Variants in ERC2 observed in about 807,000 individuals in gnomAD.
ERC2 encodes ELKS/RAB6-interacting/CAST family member 2, also known as ERC protein 2.
Under a neutral mutation model 114.8 loss-of-function variants are expected in ERC2, and 42 were observed. The observed-to-expected ratio is 0.37, with a 90% confidence interval of 0.29 to 0.47. The LOEUF (loss-of-function observed/expected upper bound fraction) is 0.47. Ranked by LOEUF, ERC2 falls within the 20% of genes least tolerant of loss-of-function variation. The pLI is 0.99. For synonymous variants in ERC2, 454 were observed against 425.5 expected, an observed-to-expected ratio of 1.07 and a Z score of -0.82; for missense variants, 939 against 1,150.7, an observed-to-expected ratio of 0.82 and a Z score of 2.66.
At chr3:56,031,190 C>T (rs1560053017) in intron 7 of ERC2, among the ~76,000 whole-genome samples, 1 of 152,222 alleles carries the variant, frequency 6.6e-6, no homozygotes, top group African/African-American at 2.4e-5. Flanking sequence ...TCCAGCCTGT[C>T]CCCCATGGAT....
intron 15 of ERC2, among the ~76,000 whole-genome samples, chr3:55,718,461 T>A (rs2064253318): frequency 1.3e-5 from 2 of 152,154 alleles, no homozygotes; most frequent in African/African-American, 4.8e-5. Flanking sequence ...GCTTACAAGA[T>A]AAAACTGTTT....
intron 12 of ERC2, among the ~76,000 whole-genome samples, chr3:55,953,633 C>A (rs1320485001): frequency 6.6e-6 from 1 of 152,104 alleles, no homozygotes; most frequent in African/African-American, 2.4e-5. Context: ...CAGATAACCC[C>A]TCTCTCAAGT....
intron 14 of ERC2, among the ~76,000 whole-genome samples, chr3:55,860,325 T>C (rs867075501): frequency 1.3e-5 from 2 of 152,294 alleles, no homozygotes; most frequent in South Asian, 4.1e-4. Flanking sequence ...TACATGTAAG[T>C]GGATTCATAT....
At chr3:55,745,341 T>C (rs1253674850) in intron 14 of ERC2, among the ~76,000 whole-genome samples, 2 of 152,242 alleles carry the variant, frequency 1.3e-5, no homozygotes, top group Non-Finnish European at 2.9e-5. Context: ...AAATGTGTTC[T>C]GAAAGGCGAC....
At chr3:56,434,264 C>T in intron 2 of ERC2, 87 bp downstream of exon 2, 2 of 1,282,974 alleles carry the variant, frequency 1.6e-6, no homozygotes, top group South Asian at 2.8e-5. Flanking sequence ...AAACTTTCTT[C>T]TGCACAGGTC....
At chr3:56,252,226 G>A (rs1163239987) in intron 3 of ERC2, among the ~76,000 whole-genome samples, 1 of 152,058 alleles carries the variant, frequency 6.6e-6, no homozygotes, top group Non-Finnish European at 1.5e-5. Flanking sequence ...TTCCTTCCAA[G>A]TTCTTATGGT....
intron 14 of ERC2, among the ~76,000 whole-genome samples, chr3:55,882,726 T>A (rs2063171226): frequency 6.6e-6 from 1 of 152,200 alleles, no homozygotes; most frequent in African/African-American, 2.4e-5. Context: ...ATCAGGGACT[T>A]CAGCATCTGT....
At chr3:56,032,955 GAAACAGAAAGAAAGAAAGAAAGAGAA>G (rs1382105325) in intron 7 of ERC2, among the ~76,000 whole-genome samples, 11 of 42,736 alleles carry the variant, frequency 2.6e-4, no homozygotes, top group East Asian at 7.6e-4. Context: ...AAGAAAGAAA[GAAACAGAAAGAAAGAAAGAAAGAGAA>G]AGAAAGAAAG....
chr3:55,537,333 C>T (rs540339255), intron 17 of ERC2, among the ~76,000 whole-genome samples: 7 of 152,324 alleles, frequency 4.6e-5, no homozygotes, highest in Admixed American at 6.5e-5. Context: ...GTTTCCCCCC[C>T]TGAAGTGACA....
chr3:55,652,698 C>T (rs1467627071), intron 17 of ERC2, among the ~76,000 whole-genome samples: 1 of 151,736 alleles, frequency 6.6e-6, no homozygotes, highest in African/African-American at 2.4e-5. Context: ...ATAGTGAAAC[C>T]CCATCTCTCT....
At chr3:55,837,434 A>T (rs2060942397) in intron 14 of ERC2, among the ~76,000 whole-genome samples, 1 of 152,274 alleles carries the variant, frequency 6.6e-6, no homozygotes, top group East Asian at 1.9e-4. Context: ...ATAAAAAATG[A>T]TGAGTTCATG....
chr3:56,311,819 ATGTG>A (rs10536094), intron 2 of ERC2, among the ~76,000 whole-genome samples: 4,557 of 142,580 alleles, frequency 0.032, 122 homozygotes, highest in East Asian at 0.089. Context: ...ATACATATAA[ATGTG>A]TGTGTGTGTG....
At chr3:55,739,338 G>A (rs573313249) in intron 14 of ERC2, among the ~76,000 whole-genome samples, 21 of 152,264 alleles carry the variant, frequency 1.4e-4, no homozygotes, top group African/African-American at 2.9e-4. Flanking sequence ...TCGCCACACC[G>A]TCTTCCACAA....
chr3:55,896,285 A>T (rs982718511), intron 13 of ERC2, among the ~76,000 whole-genome samples: 1 of 152,258 alleles, frequency 6.6e-6, no homozygotes, highest in Non-Finnish European at 1.5e-5. Context: ...GGTGCAAAAG[A>T]GTAAAACAGC....
intron 6 of ERC2, among the ~76,000 whole-genome samples, chr3:56,139,129 A>T (rs1484511834): frequency 6.6e-6 from 1 of 151,364 alleles, no homozygotes. Flanking sequence ...CTTGACTTGG[A>T]TTTACCAAAT....
intron 15 of ERC2, among the ~76,000 whole-genome samples, chr3:55,711,055 G>A (rs1032566197): frequency 6.6e-6 from 1 of 152,118 alleles, no homozygotes; most frequent in African/African-American, 2.4e-5. Flanking sequence ...CCACAGGCCC[G>A]ACTCATGTCA....
rs185247270 is a variant in ERC2, at chr3:55,798,369, C to T, written c.2565-63451G>A. ...CACCCAGCACTTTCGGAGGCCGAGG[C>T]GGGCAGATCACGAGGTCAGGAGATC... is the stretch of plus-strand genomic sequence containing the variant. On this transcript the variant is annotated intron_variant, in intron 14 of 17. Transcript: ENST00000288221. Among the ~76,000 whole-genome samples, 570 of 152,090 alleles carry T rather than the reference C, an allele frequency of 3.7e-3. 4 individuals are homozygous for T. Among genetic ancestry groups the T allele is most frequent in the African/African-American group, 0.013 (549 of 41,492 alleles).
At chr3:56,276,816 G>A (rs566375948) in intron 3 of ERC2, among the ~76,000 whole-genome samples, 2 of 152,192 alleles carry the variant, frequency 1.3e-5, no homozygotes, top group South Asian at 2.1e-4. Flanking sequence ...TAACACTAAT[G>A]ATAGCTCCTG....
At chr3:55,761,894 A>AC (rs1275332548) in intron 14 of ERC2, among the ~76,000 whole-genome samples, 1 of 148,804 alleles carries the variant, frequency 6.7e-6, no homozygotes, top group Non-Finnish European at 1.5e-5. Context: ...AAAAAAAAAA[A>AC]GTATGTGGCT....
Sources: gnomAD v4.1 joint callset for allele counts (sites outside exome capture counted in the v4.1 genomes callset) on GRCh38, gnomAD v4.1.1 for gene constraint, MANE v1.5 for transcripts, NCBI Gene and HGNC (gene_info 2026-07-23, HGNC 2026-07-21) for gene names.